Variants in COL5A2 observed in about 807,000 individuals in gnomAD.
COL5A2 encodes the protein collagen alpha-2(V) chain.
COL5A2 carries 23 observed loss-of-function variants against 208.2 expected under a neutral mutation model. The observed-to-expected ratio is 0.11, with a 90% CI of 0.08 to 0.16. COL5A2 has a LOEUF of 0.16. Ranked by LOEUF, COL5A2 falls within the 10% of genes least tolerant of loss-of-function variation. COL5A2 has a pLI of 1.00. For synonymous variants in COL5A2, 625 were observed against 628.5 expected, an observed-to-expected ratio of 0.99 and a Z score of 0.08; for missense variants, 1,590 against 1,956.4, an observed-to-expected ratio of 0.81 and a Z score of 3.53.
chr2:189,357,094 C>T, the COL5A2 span, among the ~76,000 whole-genome samples: 1 of 152,186 alleles, frequency 6.6e-6, no homozygotes, highest in Admixed American at 6.5e-5. Flanking sequence ...CTATCTGTTC[C>T]TTCCTCTGGA....
the COL5A2 span, among the ~76,000 whole-genome samples, chr2:189,248,682 T>C: frequency 6.6e-6 from 1 of 152,154 alleles, no homozygotes; most frequent in Non-Finnish European, 1.5e-5. Context: ...ATTTTATCCT[T>C]TTTTCCCTAC....
the COL5A2 span, among the ~76,000 whole-genome samples, chr2:189,352,698 A>G: frequency 6.6e-6 from 1 of 152,180 alleles, no homozygotes; most frequent in Non-Finnish European, 1.5e-5. Flanking sequence ...GCCCTTTGTC[A>G]GATGGATAGA....
At chr2:189,249,965 T>G in the COL5A2 span, among the ~76,000 whole-genome samples, 1 of 152,230 alleles carries the variant, frequency 6.6e-6, no homozygotes, top group African/African-American at 2.4e-5. Flanking sequence ...CTCAAAGTGC[T>G]GGGATCATAG....
At chr2:189,299,352 T>C in the COL5A2 span, among the ~76,000 whole-genome samples, 1 of 152,310 alleles carries the variant, frequency 6.6e-6, no homozygotes, top group East Asian at 1.9e-4. Flanking sequence ...ATTAAGATCA[T>C]CTTTTTTGTT....
chr2:189,084,096 T>C (rs771912880), intron 11 of COL5A2, 59 bp from the exon 12 acceptor site: 138 of 1,103,904 alleles, frequency 1.3e-4, no homozygotes, highest in Admixed American at 7.5e-4. Flanking sequence ...GGTTCTTCTC[T>C]GAAACTAAAT....
intron 1 of COL5A2, among the ~76,000 whole-genome samples, chr2:189,206,368 T>C (rs1218689923): frequency 6.6e-6 from 1 of 152,164 alleles, no homozygotes; most frequent in Non-Finnish European, 1.5e-5. Context: ...CTCAGAAACC[T>C]AAGGGCCTAC....
intron 1 of COL5A2, among the ~76,000 whole-genome samples, chr2:189,148,262 G>GA (rs1249962559): frequency 2.0e-5 from 3 of 151,874 alleles, no homozygotes; most frequent in Non-Finnish European, 2.9e-5. Context: ...TATTTGTCAA[G>GA]AAAAAAATAT....
intron 1 of COL5A2, among the ~76,000 whole-genome samples, chr2:189,220,416 G>C (rs1689334118): frequency 1.3e-5 from 2 of 151,292 alleles, no homozygotes; most frequent in South Asian, 4.2e-4. Context: ...TGTTTCTTCA[G>C]AATTATTTTA....
chr2:189,193,615 T>C (rs535280683), intron 1 of COL5A2, among the ~76,000 whole-genome samples: 17 of 152,278 alleles, frequency 1.1e-4, no homozygotes, highest in African/African-American at 4.1e-4. Context: ...ATAGATAACA[T>C]TTAGTTAAGA....
the COL5A2 span, among the ~76,000 whole-genome samples, chr2:189,365,857 A>G: frequency 6.6e-6 from 1 of 152,224 alleles, no homozygotes; most frequent in East Asian, 1.9e-4. Flanking sequence ...AAGGTGAAAA[A>G]GGCCCTTCAG....
chr2:189,279,317 AAC>A, the COL5A2 span, among the ~76,000 whole-genome samples: 5 of 152,118 alleles, frequency 3.3e-5, no homozygotes, highest in South Asian at 8.3e-4. Flanking sequence ...AAAAAAAAGA[AAC>A]ACAGACTTCT....
chr2:189,415,085 AACTT>A, the COL5A2 span, among the ~76,000 whole-genome samples: 2 of 152,116 alleles, frequency 1.3e-5, no homozygotes, highest in African/African-American at 4.8e-5. Context: ...TTAAGTTAAA[AACTT>A]AATTATTTTC....
At chr2:189,162,888 C>T (rs976090652) in intron 1 of COL5A2, among the ~76,000 whole-genome samples, 13 of 151,986 alleles carry the variant, frequency 8.6e-5, no homozygotes, top group Non-Finnish European at 1.9e-4. Flanking sequence ...GTCCCATTTT[C>T]CCAGAAGATA....
Position 189,052,106 on chromosome 2 carries a change from C to T in COL5A2, c.2769+66G>A, listed in dbSNP as rs543077576. 8 of 1,295,922 alleles carry T rather than the reference C, an allele frequency of 6.2e-6. No individual in the cohort carries two copies. The South Asian group carries it at 9.4e-5, about 15-fold the overall frequency. 80.3% of individuals were successfully genotyped at this position (1,295,922 alleles called of 1,614,324 possible). ...AAATTAAATAAAATAATAAATTTAA[C>T]TCAAATGTATACGTGTGTGTGTAAT... On this transcript the variant is annotated intron_variant, in intron 41 of 53. Transcript: ENST00000374866.
At chr2:189,237,779 G>A in the COL5A2 span, among the ~76,000 whole-genome samples, 2 of 151,746 alleles carry the variant, frequency 1.3e-5, no homozygotes, top group Non-Finnish European at 2.9e-5. Flanking sequence ...TTTGTTCATA[G>A]AAATTTATGA....
At chr2:189,267,270 T>C in the COL5A2 span, among the ~76,000 whole-genome samples, 29 of 152,110 alleles carry the variant, frequency 1.9e-4, no homozygotes, top group Admixed American at 1.6e-3. Context: ...AGATAATCTA[T>C]GACCAGCCTA....
At chr2:189,161,983 G>A (rs1406982733) in intron 1 of COL5A2, among the ~76,000 whole-genome samples, 3 of 152,318 alleles carry the variant, frequency 2.0e-5, no homozygotes, top group African/African-American at 7.2e-5. Context: ...ATGTGAAGGG[G>A]AGGAAAAAAT....
intron 1 of COL5A2, among the ~76,000 whole-genome samples, chr2:189,115,557 C>T (rs1306288719): frequency 6.6e-6 from 1 of 152,094 alleles, no homozygotes; most frequent in Non-Finnish European, 1.5e-5. Context: ...GTTAGATATT[C>T]TCTAGCCATT....
At chr2:189,380,079 A>C in the COL5A2 span, among the ~76,000 whole-genome samples, 1 of 151,974 alleles carries the variant, frequency 6.6e-6, no homozygotes, top group Admixed American at 6.5e-5. Flanking sequence ...TGCTGTTTGT[A>C]TAAGTAATTA....
Sources: gnomAD v4.1 joint callset for allele counts (sites outside exome capture counted in the v4.1 genomes callset) on GRCh38, gnomAD v4.1.1 for gene constraint, MANE v1.5 for transcripts, NCBI Gene and HGNC (gene_info 2026-07-23, HGNC 2026-07-21) for gene names.